Variants in CADM3 observed in about 807,000 individuals in gnomAD.
CADM3 encodes TSLC1-like 1.
In CADM3, 11 loss-of-function variants were observed where a neutral mutation model predicts 44.9. The ratio of observed to expected loss-of-function variants is 0.25; its 90% CI spans 0.15 to 0.41. The LOEUF (loss-of-function observed/expected upper bound fraction) is 0.41. Ranked by LOEUF, CADM3 falls within the 10% of genes least tolerant of loss-of-function variation. The pLI, the probability that CADM3 is intolerant of heterozygous loss-of-function variation, is 1.00. For synonymous variants in CADM3, 207 were observed against 205.2 expected (o/e 1.01, Z -0.08); for missense variants, 426 against 512.0 (o/e 0.83, Z 1.62).
intron 8 of CADM3, 35 bp downstream of exon 8, chr1:159,199,911 G>C (rs776129762): frequency 1.2e-6 from 2 of 1,605,244 alleles, no homozygotes; most frequent in Non-Finnish European, 1.7e-6. Flanking sequence ...GCAGAACTTG[G>C]GAGGGGCAGG....
At chr1:159,182,787 A>G (rs1221904545) in intron 1 of CADM3, among the ~76,000 whole-genome samples, 1 of 152,230 alleles carries the variant, frequency 6.6e-6, no homozygotes, top group Non-Finnish European at 1.5e-5. Flanking sequence ...GTTGGCTGCA[A>G]GGTTTTAGGA....
chr1:159,191,773 A>C (rs969514170), intron 1 of CADM3, among the ~76,000 whole-genome samples, 163 bp from the exon 2 acceptor site: 1 of 152,186 alleles, frequency 6.6e-6, no homozygotes, highest in Non-Finnish European at 1.5e-5. Flanking sequence ...CTCCACCGCC[A>C]CCACCACCTC....
chr1:159,194,811 T>C (rs1649822760), intron 5 of CADM3: 1 of 152,204 alleles, frequency 6.6e-6, no homozygotes, highest in Admixed American at 6.5e-5. Flanking sequence ...AATTTGCCTT[T>C]AGTATGGTTA....
chr1:159,196,786 C>A, intron 6 of CADM3, 105 bp from the exon 7 acceptor site: 1 of 1,159,068 alleles, frequency 8.6e-7, no homozygotes, highest in Non-Finnish European at 1.2e-6. Flanking sequence ...TTTCTCCAGC[C>A]TCATCAAACA....
At chr1:159,174,954 G>A (rs533035355) in intron 1 of CADM3, among the ~76,000 whole-genome samples, 2 of 152,276 alleles carry the variant, frequency 1.3e-5, no homozygotes, top group East Asian at 3.9e-4. Context: ...TTTCAGATAA[G>A]GTTATAGCAA....
At position 159,201,274 on chromosome 1, in the gene CADM3, A is replaced by C. The variant is rs2102144173; in HGVS notation, c.*352A>C. The C allele has an allele frequency of 6.4e-6, 1 of 156,092 alleles. No individual in the cohort carries two copies. Among genetic ancestry groups the C allele is most frequent in the East Asian group, 1.9e-4 (1 of 5,360 alleles). 9.7% of individuals were successfully genotyped at this position (156,092 alleles called of 1,614,324 possible). A position where few individuals can be genotyped will look rare whatever the true frequency, so the allele number is the denominator to read the frequency against. ...AAACAAACAAAAAACAAAACCCTGG[A>C]GTGTTAGGAGGAGAGTGAAGGTAGA... On this transcript the variant is annotated 3_prime_UTR_variant, in exon 9 of 9. Transcript: ENST00000368125.
intron 1 of CADM3, among the ~76,000 whole-genome samples, chr1:159,173,173 G>A (rs952921452): frequency 6.6e-6 from 1 of 151,478 alleles, no homozygotes; most frequent in African/African-American, 2.4e-5. Context: ...GGAGAAAGGG[G>A]AGGTGGCTCC....
chr1:159,188,435 A>C (rs2102115078), intron 1 of CADM3, among the ~76,000 whole-genome samples: 1 of 149,438 alleles, frequency 6.7e-6, no homozygotes, highest in African/African-American at 2.5e-5. Flanking sequence ...TTTCTTTGTA[A>C]TCTCGACCTC....
chr1:159,190,623 T>C (rs537094750), intron 1 of CADM3, among the ~76,000 whole-genome samples: 2 of 152,330 alleles, frequency 1.3e-5, no homozygotes, highest in Admixed American at 1.3e-4. Flanking sequence ...CAGTCGATGC[T>C]ATCAGTCAAT....
chr1:159,181,452 T>C (rs1649226895), intron 1 of CADM3, among the ~76,000 whole-genome samples: 1 of 152,166 alleles, frequency 6.6e-6, no homozygotes, highest in South Asian at 2.1e-4. Context: ...TTCAGGGGCC[T>C]ACTCCAAAAC....
intron 1 of CADM3, among the ~76,000 whole-genome samples, chr1:159,177,462 G>T (rs1649067256): frequency 1.3e-5 from 2 of 152,082 alleles, no homozygotes; most frequent in Non-Finnish European, 1.5e-5. Flanking sequence ...GCTCTCCATG[G>T]TGCTAGCCCC....
In CADM3 at chr1:159,200,086, T is replaced by C. The variant is rs565015116; in HGVS notation, c.1078+210T>C. Among the ~76,000 whole-genome samples, 17 of 152,294 alleles carry C rather than the reference T, an allele frequency of 1.1e-4. No individual in the cohort carries two copies. The South Asian group carries it at 2.9e-3, about 26-fold the overall frequency. ...CAACCCCGCAGTAAAGCCTGATCAC[T>C]TGGGGATCGTCCAAGTGAAATCAAA... On this transcript the variant is annotated intron_variant, in intron 8 of 8. Coordinates refer to ENST00000368125, the MANE Select transcript of CADM3 (RefSeq NM_001127173.3).
chr1:159,190,299 C>T (rs775503830), intron 1 of CADM3, among the ~76,000 whole-genome samples: 3 of 152,290 alleles, frequency 2.0e-5, no homozygotes, highest in East Asian at 1.9e-4. Context: ...TTCAGCTTTA[C>T]TCAGCCAGCT....
At chr1:159,179,523 T>C (rs1358987628) in intron 1 of CADM3, among the ~76,000 whole-genome samples, 1 of 152,218 alleles carries the variant, frequency 6.6e-6, no homozygotes, top group Non-Finnish European at 1.5e-5. Context: ...CTAGCCATTA[T>C]TCATTTCTCC....
chr1:159,173,158 G>T (rs1370446594), intron 1 of CADM3, among the ~76,000 whole-genome samples: 1 of 151,734 alleles, frequency 6.6e-6, no homozygotes, highest in Non-Finnish European at 1.5e-5. Context: ...AAGAACCGCA[G>T]GGGAGGAGAA....
chr1:159,190,836 C>T (rs1331574438), intron 1 of CADM3, among the ~76,000 whole-genome samples: 1 of 152,186 alleles, frequency 6.6e-6, no homozygotes, highest in East Asian at 1.9e-4. Flanking sequence ...TTCTTAGTTT[C>T]CTATTCAGAC....
chr1:159,200,838 C>G lies in CADM3; in HGVS notation c.1113C>G (p.Asp371Glu). ...TYLTHEAKGS[D>E]DAPDADTAII... is the part of the protein sequence containing the mutation. ...TGACACATGAGGCAAAAGGCTCCGA[C>G]GATGCTCCAGACGCGGACACGGCCA... Residue 371 changes from aspartate (D) to glutamate (E), a missense_variant, in exon 9 of 9, where the codon GAC becomes GAG. Physicochemically the swap from Asp to Glu is conservative, Grantham distance 45 (BLOSUM62 2). Around this residue, in one of 2 missense-constraint regions of CADM3, gnomAD observed 362 missense variants for 474.6 expected, o/e 0.76. Transcript: ENST00000368125. 6.2e-7 allele frequency: 1 copy of G among 1,609,218 alleles called. No individual in the cohort carries two copies. The highest frequency in any genetic ancestry group is 1.1e-5 in the South Asian group (1 of 90,460).
In CADM3 at chr1:159,189,802, A is replaced by G. The variant is rs201779953; in HGVS notation, c.89-2134A>G. ...GGCAGGAGCAGGATTTGGAGCTGGG[A>G]ACTCTGGCTCCACTCGACGAGGCCA... is the stretch of plus-strand genomic sequence containing the variant. On this transcript the variant is annotated intron_variant, in intron 1 of 8. Transcript: ENST00000368125. The G allele has an allele frequency of 8.1e-6, 13 of 1,607,524 alleles. No homozygotes were observed. In the East Asian group the frequency reaches 2.0e-4, roughly 25 times the overall value.
chr1:159,171,870 G>A lies in CADM3; in HGVS notation c.88+17G>A. Reference sequence around the variant, plus strand: ...CCCAGGACGGTGAGTGAGGGAGGGGGCGGCGCCTGGGGAGGTGGGGAGTGA... The same window carrying A: ...CCCAGGACGGTGAGTGAGGGAGGGGACGGCGCCTGGGGAGGTGGGGAGTGA... On this transcript the variant is annotated intron_variant, in intron 1 of 8. Transcript: ENST00000368125. 8.1e-7 allele frequency: 1 copy of A among 1,234,244 alleles called. No individual in the cohort carries two copies. Among genetic ancestry groups the A allele is most frequent in the Non-Finnish European group, 1.0e-6 (1 of 986,410 alleles). The allele number at this position is 1,234,244 out of a possible 1,614,324, so 76.5% of individuals were successfully genotyped here.
Sources: gnomAD v4.1 joint callset for allele counts (sites outside exome capture counted in the v4.1 genomes callset) on GRCh38, gnomAD v4.1.1 for gene constraint, gnomAD v4.1.1 regional missense constraint, MANE v1.5 for transcripts, NCBI Gene and HGNC (gene_info 2026-07-23, HGNC 2026-07-21) for gene names.